SDK1: variants seen among roughly 807,000 people sequenced by gnomAD.
SDK1 encodes sidekick cell adhesion molecule 1.
In SDK1, 157 loss-of-function variants were observed where a neutral mutation model predicts 245.5. The observed-to-expected ratio is 0.64, with a 90% CI of 0.56 to 0.73. The LOEUF (loss-of-function observed/expected upper bound fraction) is 0.73. Among genes scored for constraint, SDK1 ranks in the 30% least tolerant of loss-of-function variants. SDK1 has a pLI of 0.00. For missense variants in SDK1, 3,583 were observed against 3,002.3 expected (o/e 1.19, Z -4.52); for synonymous variants, 1,647 against 1,278.5 (o/e 1.29, Z -6.15).
At chr7:4,233,822 G>A (rs960782197) in intron 41 of SDK1, among the ~76,000 whole-genome samples, 1 of 152,104 alleles carries the variant, frequency 6.6e-6, no homozygotes, top group African/African-American at 2.4e-5. Flanking sequence ...CCAGGCCCCA[G>A]AGCCTCCCCC....
chr7:4,035,074 G>A (rs773813377), intron 17 of SDK1, among the ~76,000 whole-genome samples: 4 of 152,160 alleles, frequency 2.6e-5, no homozygotes, highest in Admixed American at 1.3e-4. Context: ...CACCTCCCGG[G>A]TTCAAGCAAT....
chr7:3,474,622 C>A (rs1276694308), intron 1 of SDK1, among the ~76,000 whole-genome samples: 1 of 152,158 alleles, frequency 6.6e-6, no homozygotes, highest in Non-Finnish European at 1.5e-5. Flanking sequence ...TTCTCTGTAA[C>A]CCATCCATGT....
intron 17 of SDK1, among the ~76,000 whole-genome samples, chr7:4,019,559 A>G (rs977731248): frequency 2.6e-5 from 4 of 152,120 alleles, no homozygotes; most frequent in Middle Eastern, 6.8e-3. Context: ...CCCATATGTG[A>G]TGAGAACCTG....
At position 3,562,300 on chromosome 7, in the gene SDK1, A is replaced by G. The variant is rs148539414; in HGVS notation, c.299-56780A>G. ...CCTTTAAGATAACATTTTATTTTCT[A>G]TTTGTTCAAGTAAAACATGTTCATA... On this transcript the variant is annotated intron_variant, in intron 1 of 44. Transcript: ENST00000404826. Among the ~76,000 whole-genome samples the G allele has an allele frequency of 2.0e-5, 3 of 152,316 alleles. No homozygotes were observed. The East Asian group carries it at 5.8e-4, about 29-fold the overall frequency.
intron 4 of SDK1, among the ~76,000 whole-genome samples, chr7:3,690,565 C>T (rs1315849883): frequency 1.3e-5 from 2 of 152,008 alleles, no homozygotes; most frequent in African/African-American, 2.4e-5. Context: ...AATCTTGCGT[C>T]GAGTGGCCTC....
chr7:3,335,827 G>A (rs373411777), intron 1 of SDK1, among the ~76,000 whole-genome samples: 1 of 152,132 alleles, frequency 6.6e-6, no homozygotes, highest in African/African-American at 2.4e-5. Context: ...GAGATTTACT[G>A]TCTTACCAAG....
chr7:3,407,433 C>T (rs906946818), intron 1 of SDK1, among the ~76,000 whole-genome samples: 25 of 152,128 alleles, frequency 1.6e-4, no homozygotes, highest in African/African-American at 2.4e-5. Context: ...GTGACAGTGC[C>T]TTGGTTGACT....
At chr7:3,838,062 G>T (rs1319616744) in intron 5 of SDK1, among the ~76,000 whole-genome samples, 1 of 152,204 alleles carries the variant, frequency 6.6e-6, no homozygotes, top group East Asian at 1.9e-4. Context: ...GGGGAGCCCT[G>T]TGTGCTGGGA....
intron 25 of SDK1, among the ~76,000 whole-genome samples, chr7:4,124,606 C>T (rs780890700): frequency 9.2e-5 from 14 of 152,142 alleles, no homozygotes; most frequent in South Asian, 2.1e-4. Flanking sequence ...TCTGAGATAC[C>T]GGAGGTTAGG....
At chr7:3,966,517 C>G (rs1047275291) in intron 9 of SDK1, among the ~76,000 whole-genome samples, 2 of 152,154 alleles carry the variant, frequency 1.3e-5, no homozygotes, top group African/African-American at 2.4e-5. Context: ...GTGACCATCC[C>G]CCATGAACAA....
At chr7:3,609,592 G>A (rs1225860727) in intron 1 of SDK1, among the ~76,000 whole-genome samples, 1 of 151,946 alleles carries the variant, frequency 6.6e-6, no homozygotes, top group Non-Finnish European at 1.5e-5. Flanking sequence ...AGTAGAGATG[G>A]GGTTTCACTG....
At chr7:3,638,024 G>A (rs1782522737) in intron 2 of SDK1, among the ~76,000 whole-genome samples, 1 of 152,240 alleles carries the variant, frequency 6.6e-6, no homozygotes, top group Non-Finnish European at 1.5e-5. Flanking sequence ...TACAGAGAGA[G>A]AATTATAAAC....
At chr7:4,024,026 A>T (rs1408427677) in intron 17 of SDK1, among the ~76,000 whole-genome samples, 1 of 152,226 alleles carries the variant, frequency 6.6e-6, no homozygotes, top group East Asian at 1.9e-4. Context: ...TATGCTATAA[A>T]TCATCATTCT....
chr7:3,658,257 A>T (rs181497094), intron 4 of SDK1, among the ~76,000 whole-genome samples: 2 of 152,298 alleles, frequency 1.3e-5, no homozygotes, highest in Admixed American at 1.3e-4. Context: ...CTTTGCTGTA[A>T]TGAGATCTGA....
intron 1 of SDK1, among the ~76,000 whole-genome samples, chr7:3,480,571 C>T (rs1396545725): frequency 1.3e-5 from 2 of 152,236 alleles, no homozygotes; most frequent in African/African-American, 4.8e-5. Flanking sequence ...CTCCTGCAAC[C>T]AGAGAGCTTT....
rs564142452 is a variant in SDK1, at chr7:3,849,190, C to T, written c.847+27607C>T. On this transcript the variant is annotated intron_variant, in intron 5 of 44. Transcript: ENST00000404826. ...CTGCTGGACTGTTCTTGAACAAATC[C>T]CCTGGCCTGGAATGCGCTTGTACTA... Among the ~76,000 whole-genome samples, 4 of 152,268 alleles carry T rather than the reference C, an allele frequency of 2.6e-5. No homozygotes were observed. The South Asian group carries it at 8.3e-4, about 32-fold the overall frequency.
At chr7:3,371,498 C>T (rs1224919200) in intron 1 of SDK1, among the ~76,000 whole-genome samples, 1 of 151,862 alleles carries the variant, frequency 6.6e-6, no homozygotes, top group Non-Finnish European at 1.5e-5. Context: ...AACCAGGGGG[C>T]CCTAAGGGGG....
chr7:3,786,567 C>T (rs533017007), intron 4 of SDK1, among the ~76,000 whole-genome samples: 1 of 152,148 alleles, frequency 6.6e-6, no homozygotes, highest in African/African-American at 2.4e-5. Flanking sequence ...ATGCAAAGAA[C>T]AGCACTGGAT....
chr7:3,800,579 C>A (rs1371638735), intron 4 of SDK1, among the ~76,000 whole-genome samples: 1 of 151,986 alleles, frequency 6.6e-6, no homozygotes, highest in Non-Finnish European at 1.5e-5. Context: ...GACGGGTTAA[C>A]CAGGATGGTC....
Sources: allele counts gnomAD v4.1 joint callset (sites outside exome capture counted in the v4.1 genomes callset), GRCh38; gene constraint gnomAD v4.1.1; transcripts MANE v1.5; gene names NCBI Gene and HGNC (gene_info 2026-07-23, HGNC 2026-07-21).